JPH2: variants seen among roughly 807,000 people sequenced by gnomAD.
JPH2 encodes the protein junctophilin-2.
JPH2 carries 38 observed loss-of-function variants against 55.9 expected under a neutral mutation model. That is an observed-to-expected ratio of 0.68 (90% CI 0.52 to 0.89). The LOEUF (loss-of-function observed/expected upper bound fraction) is 0.89, where lower values mean the gene tolerates loss of function less well. JPH2 is among the 40% of genes least tolerant of loss of function. JPH2 has a pLI of 0.00. For missense variants in JPH2, 964 were observed against 1,037.6 expected, an observed-to-expected ratio of 0.93 and a Z score of 0.97; for synonymous variants, 480 against 472.4, an observed-to-expected ratio of 1.02 and a Z score of -0.21.
intron 2 of JPH2, among the ~76,000 whole-genome samples, chr20:44,124,016 G>C (rs6073339): frequency 0.32 from 47,958 of 152,092 alleles, 7,942 homozygotes; most frequent in Admixed American, 0.48. Flanking sequence ...AGGGTCTGGA[G>C]GATGGCTCTG....
intron 2 of JPH2, among the ~76,000 whole-genome samples, chr20:44,146,828 G>C (rs1305341223): frequency 6.6e-6 from 1 of 152,202 alleles, no homozygotes; most frequent in Non-Finnish European, 1.5e-5. Context: ...CCAGCAGCAA[G>C]GGTGTGAGGA....
chr20:44,117,337 G>A (rs1162653029), intron 3 of JPH2, among the ~76,000 whole-genome samples: 4 of 152,162 alleles, frequency 2.6e-5, no homozygotes, highest in African/African-American at 7.2e-5. Context: ...TCCCTCAGGG[G>A]TTCCCACCAC....
chr20:44,186,297 C>G, intron 1 of JPH2, 30 bp downstream of exon 1: 2 of 1,607,694 alleles, frequency 1.2e-6, no homozygotes, highest in African/African-American at 1.3e-5. Flanking sequence ...TGGCTCCACC[C>G]CACCTCTGCG....
intron 1 of JPH2, chr20:44,177,167 C>G (rs1403744336): frequency 1.0e-6 from 1 of 985,530 alleles, no homozygotes; most frequent in East Asian, 1.1e-4. Flanking sequence ...CTCTCCTACT[C>G]TGTGGCTTCA....
Position 44,167,700 on chromosome 20 carries a change from G to A in JPH2, c.380-7293C>T, listed in dbSNP as rs532506245. ...TAACAGGGATTTAAGTCTAAACTCT[G>A]ACGTTGAATAGTTCTAAGACATGCA... On this transcript the variant is annotated intron_variant, in intron 1 of 5. Coordinates refer to ENST00000372980, the MANE Select transcript of JPH2 (RefSeq NM_020433.5). Among the ~76,000 whole-genome samples, 7 of 152,310 alleles carry A rather than the reference G, an allele frequency of 4.6e-5. No individual in the cohort carries two copies. The South Asian group carries it at 1.5e-3, about 32-fold the overall frequency.
At chr20:44,163,963 G>A (rs930002959) in intron 1 of JPH2, among the ~76,000 whole-genome samples, 7 of 152,196 alleles carry the variant, frequency 4.6e-5, no homozygotes, top group Non-Finnish European at 5.9e-5. Context: ...AAGAGAAATG[G>A]AGAGAGACAG....
intron 2 of JPH2, among the ~76,000 whole-genome samples, chr20:44,129,586 A>G (rs1291160762): frequency 2.0e-5 from 3 of 149,464 alleles, no homozygotes; most frequent in Non-Finnish European, 4.4e-5. Context: ...AAACAAAACC[A>G]TTGCTGCTTC....
chr20:44,182,406 G>GGAGAA (rs1208533248), intron 1 of JPH2, among the ~76,000 whole-genome samples: 1 of 152,176 alleles, frequency 6.6e-6, no homozygotes, highest in African/African-American at 2.4e-5. Context: ...ATCTCATCTG[G>GGAGAA]GAGAAGTCTG....
At chr20:44,114,565 AGTGTGTGTGTGT>A (rs3037626) in intron 5 of JPH2, among the ~76,000 whole-genome samples, 2,242 of 141,978 alleles carry the variant, frequency 0.016, 56 homozygotes, top group African/African-American at 0.048. Context: ...TAATGAAGTA[AGTGTGTGTGTGT>A]GTGTGTGTGT....
chr20:44,167,845 C>T (rs1473527936), intron 1 of JPH2, among the ~76,000 whole-genome samples: 2 of 152,214 alleles, frequency 1.3e-5, no homozygotes, highest in Non-Finnish European at 2.9e-5. Context: ...GAAGACCATG[C>T]ATTCTTCTAG....
intron 2 of JPH2, among the ~76,000 whole-genome samples, chr20:44,134,521 A>T (rs189545115): frequency 0.013 from 3 of 226 alleles, no homozygotes; most frequent in African/African-American, 0.025. Flanking sequence ...ATATATTTAT[A>T]ATAAATATAT....
intron 2 of JPH2, among the ~76,000 whole-genome samples, chr20:44,150,867 A>G (rs1200418584): frequency 1.3e-5 from 2 of 152,094 alleles, no homozygotes; most frequent in East Asian, 1.9e-4. Flanking sequence ...CTCTACAAAT[A>G]TATATTTTTT....
chr20:44,179,195 A>C (rs1331088759), intron 1 of JPH2, among the ~76,000 whole-genome samples: 1 of 152,238 alleles, frequency 6.6e-6, no homozygotes, highest in African/African-American at 2.4e-5. Flanking sequence ...GCCTCATTTA[A>C]TTCTCTCAAC....
At chr20:44,136,270 T>G (rs2072412490) in intron 2 of JPH2, among the ~76,000 whole-genome samples, 1 of 152,100 alleles carries the variant, frequency 6.6e-6, no homozygotes, top group Non-Finnish European at 1.5e-5. Context: ...ACATTTCTCT[T>G]TAGGAAACAC....
intron 2 of JPH2, among the ~76,000 whole-genome samples, chr20:44,153,485 C>A (rs1261499711): frequency 1.3e-5 from 2 of 152,200 alleles, no homozygotes; most frequent in Non-Finnish European, 2.9e-5. Flanking sequence ...ACTCAAAAAA[C>A]CAACTCTAAG....
intron 2 of JPH2, among the ~76,000 whole-genome samples, chr20:44,143,974 G>A (rs1342237510): frequency 3.3e-5 from 5 of 151,988 alleles, no homozygotes; most frequent in Non-Finnish European, 7.4e-5. Flanking sequence ...AGAACCAGAG[G>A]CTCGAGAGGC....
At chr20:44,152,392 C>T (rs974483659) in intron 2 of JPH2, among the ~76,000 whole-genome samples, 2 of 152,010 alleles carry the variant, frequency 1.3e-5, no homozygotes, top group Admixed American at 6.6e-5. Context: ...TTAATATATC[C>T]CCACTGGGCA....
At chr20:44,114,178 C>T (rs2072168133) in intron 5 of JPH2, among the ~76,000 whole-genome samples, 1 of 152,130 alleles carries the variant, frequency 6.6e-6, no homozygotes, top group Non-Finnish European at 1.5e-5. Context: ...CGGGAACTTA[C>T]CCCAGCCCCC....
chr20:44,186,457 C>T lies in JPH2; in HGVS notation c.249G>A (p.Lys83=). 6.2e-7 allele frequency: 1 copy of T among 1,614,126 alleles called. No homozygotes were observed. Among genetic ancestry groups the T allele is most frequent in the Non-Finnish European group, 8.5e-7 (1 of 1,180,028 alleles). ...GIETKGRWLY[K]GEWTHGFKGR... ...CCTTGAAGCCATGTGTCCACTCGCC[C>T]TTGTAGAGCCAGCGCCCCTTGGTCT... Residue 83 remains lysine (K), a synonymous_variant, in exon 1 of 6, where the codon AAG becomes AAA. Transcript: ENST00000372980.
Sources: gnomAD v4.1 joint callset for allele counts (sites outside exome capture counted in the v4.1 genomes callset) on GRCh38, gnomAD v4.1.1 for gene constraint, MANE v1.5 for transcripts, NCBI Gene and HGNC (gene_info 2026-07-23, HGNC 2026-07-21) for gene names.